Variants in PTCHD4 observed in about 807,000 individuals in gnomAD.
The protein encoded by PTCHD4 is patched domain containing 4.
PTCHD4 carries 33 observed loss-of-function variants against 58.1 expected under a neutral mutation model. That is an observed-to-expected ratio of 0.57 (90% CI 0.43 to 0.76). The LOEUF (loss-of-function observed/expected upper bound fraction) is 0.76. Among genes scored for constraint, PTCHD4 ranks in the 30% least tolerant of loss-of-function variants. PTCHD4 has a pLI of 0.00. For synonymous variants in PTCHD4, 478 were observed against 409.6 expected, an observed-to-expected ratio of 1.17 and a Z score of -2.02; for missense variants, 1,058 against 1,027.1, an observed-to-expected ratio of 1.03 and a Z score of -0.41.
rs1763888417 is a variant in PTCHD4 at position 47,877,856 on chromosome 6, C to T, written c.*447G>A. Among the ~76,000 whole-genome samples the T allele has an allele frequency of 2.0e-5, 3 of 151,908 alleles. No homozygotes were observed. The South Asian group carries it at 6.2e-4, about 32-fold the overall frequency. On this transcript the variant is annotated 3_prime_UTR_variant, in exon 5 of 5. Coordinates refer to ENST00000339488, the MANE Select transcript of PTCHD4 (RefSeq NM_001384253.1). ...TTAGACAGTATTAAATATGTACTTC[C>T]CAAGTGCATAGGTTTCCTTTGACCA...
rs1322650995 is a variant in PTCHD4 at position 47,863,971 on chromosome 6, GC to G, written c.*14331del. Among the ~76,000 whole-genome samples, 3 of 151,980 alleles carry G rather than the reference GC, an allele frequency of 2.0e-5. No individual in the cohort carries two copies. Among genetic ancestry groups the G allele is most frequent in the Admixed American group, 6.6e-5 (1 of 15,242 alleles). The stretch of plus-strand genomic sequence containing the variant: ...TGTCTTTGCACTCTTCAACTATGCA[GC>G]CTTTCAGGCCTAGTGGTGAGAAGCT... On this transcript the variant is annotated 3_prime_UTR_variant, in exon 5 of 5. Transcript: ENST00000339488.
chr6:47,979,914 A>G (rs925536148), intron 4 of PTCHD4, among the ~76,000 whole-genome samples: 1 of 152,024 alleles, frequency 6.6e-6, no homozygotes, highest in Non-Finnish European at 1.5e-5. Flanking sequence ...GAACAAGTGC[A>G]TTTTTACTTA....
intron 4 of PTCHD4, among the ~76,000 whole-genome samples, chr6:47,898,322 T>C (rs1764589765): frequency 6.6e-6 from 1 of 152,194 alleles, no homozygotes; most frequent in Admixed American, 6.5e-5. Context: ...CTCTAAAATT[T>C]TGGGTAACCT....
At chr6:48,090,031 T>A (rs1446955136) in intron 1 of PTCHD4, among the ~76,000 whole-genome samples, 1 of 152,220 alleles carries the variant, frequency 6.6e-6, no homozygotes, top group Non-Finnish European at 1.5e-5. Context: ...TTCTCCAGTT[T>A]CAGTCCTTAT....
chr6:48,064,983 C>A (rs1373576827), intron 3 of PTCHD4, among the ~76,000 whole-genome samples: 2 of 152,006 alleles, frequency 1.3e-5, no homozygotes, highest in African/African-American at 4.8e-5. Context: ...TTTTTTGATA[C>A]CAGTTTTATC....
chr6:47,936,268 T>G (rs1223129281), intron 4 of PTCHD4, among the ~76,000 whole-genome samples: 1 of 152,210 alleles, frequency 6.6e-6, no homozygotes, highest in Non-Finnish European at 1.5e-5. Flanking sequence ...TGAAGTTCTA[T>G]CCAATATGAT....
At chr6:48,033,843 C>T (rs1472467477) in intron 3 of PTCHD4, among the ~76,000 whole-genome samples, 1 of 151,890 alleles carries the variant, frequency 6.6e-6, no homozygotes, top group East Asian at 1.9e-4. Context: ...TTTACTTGGG[C>T]CTGAAATTTT....
intron 4 of PTCHD4, among the ~76,000 whole-genome samples, chr6:47,986,812 T>C (rs1340896482): frequency 6.6e-6 from 1 of 152,188 alleles, no homozygotes; most frequent in Non-Finnish European, 1.5e-5. Flanking sequence ...AGTTGTAGAA[T>C]AAGGTTACCA....
At chr6:47,928,720 C>T (rs1765710241) in intron 4 of PTCHD4, among the ~76,000 whole-genome samples, 1 of 152,022 alleles carries the variant, frequency 6.6e-6, no homozygotes, top group African/African-American at 2.4e-5. Context: ...TGTAGCAATT[C>T]CTGTTTACAT....
At chr6:48,020,193 C>T (rs184781673) in intron 3 of PTCHD4, among the ~76,000 whole-genome samples, 1 of 152,140 alleles carries the variant, frequency 6.6e-6, no homozygotes, top group African/African-American at 2.4e-5. Flanking sequence ...AGAGATAGGG[C>T]ATGGCATGAT....
chr6:47,923,485 G>A (rs926659297), intron 4 of PTCHD4, among the ~76,000 whole-genome samples: 105 of 152,224 alleles, frequency 6.9e-4, no homozygotes, highest in African/African-American at 2.4e-3. Flanking sequence ...TGCACAGATC[G>A]ATGTTGCTTA....
At chr6:47,954,714 A>G (rs2113954577) in intron 4 of PTCHD4, among the ~76,000 whole-genome samples, 1 of 152,306 alleles carries the variant, frequency 6.6e-6, no homozygotes, top group Non-Finnish European at 1.5e-5. Context: ...ATTTTCCAAA[A>G]GTGTTTAAGG....
chr6:47,886,965 T>C lies in PTCHD4; in HGVS notation c.899-7029A>G, dbSNP rs1764212573. Among the ~76,000 whole-genome samples, 4 of 152,202 alleles carry C rather than the reference T, an allele frequency of 2.6e-5. No homozygotes were observed. In the South Asian group the frequency reaches 8.3e-4, roughly 31 times the overall value. ...TATACGCTAGACTGAGATTGCCCGT[T>C]GGTGGGCCCATCTTTTAGCCAGTCC... On this transcript the variant is annotated intron_variant, in intron 4 of 4. Transcript: ENST00000339488.
rs116343755 is a variant in PTCHD4, at chr6:48,037,719, C to T, written c.418-28605G>A. 6.5e-3 allele frequency among the ~76,000 whole-genome samples: 987 copies of T among 151,906 alleles called. 15 individuals are homozygous for T. Among genetic ancestry groups the T allele is most frequent in the African/African-American group, 0.022 (929 of 41,432 alleles). ...ACTATGTAAACAGAAGTAATTCCAT[C>T]GAGGGAAGAAAAGGGGAAGAGCCTA... On this transcript the variant is annotated intron_variant, in intron 3 of 4. Coordinates refer to ENST00000339488, the MANE Select transcript of PTCHD4 (RefSeq NM_001384253.1).
At chr6:48,057,889 T>A in intron 3 of PTCHD4, among the ~76,000 whole-genome samples, 1 of 152,218 alleles carries the variant, frequency 6.6e-6, no homozygotes, top group East Asian at 1.9e-4. Flanking sequence ...ATTCACATGA[T>A]CTTGTAATGT....
chr6:47,946,817 T>G (rs1581917527), intron 4 of PTCHD4, among the ~76,000 whole-genome samples: 2 of 152,130 alleles, frequency 1.3e-5, no homozygotes, highest in East Asian at 3.9e-4. Context: ...TTTGAAATTA[T>G]GTGCACAATT....
At chr6:48,042,579 G>A (rs1236956098) in intron 3 of PTCHD4, among the ~76,000 whole-genome samples, 1 of 151,848 alleles carries the variant, frequency 6.6e-6, no homozygotes, top group Non-Finnish European at 1.5e-5. Context: ...TATCAGTTCA[G>A]CATTCTGAAC....
At chr6:48,000,443 T>A (rs1227371269) in intron 4 of PTCHD4, among the ~76,000 whole-genome samples, 1 of 152,202 alleles carries the variant, frequency 6.6e-6, no homozygotes, top group African/African-American at 2.4e-5. Flanking sequence ...CAACCATGTT[T>A]ACTCATTTCT....
At chr6:47,880,590 CT>C (rs1763991966) in intron 4 of PTCHD4, among the ~76,000 whole-genome samples, 2 of 151,890 alleles carry the variant, frequency 1.3e-5, no homozygotes, top group African/African-American at 4.8e-5. Flanking sequence ...GGTGAAAAAT[CT>C]TAGCAAGCAC....
Sources: allele counts gnomAD v4.1 joint callset (sites outside exome capture counted in the v4.1 genomes callset), GRCh38; gene constraint gnomAD v4.1.1; transcripts MANE v1.5; gene names NCBI Gene and HGNC (gene_info 2026-07-23, HGNC 2026-07-21).